Variants in DLGAP2 observed in about 807,000 individuals in gnomAD.
The protein encoded by DLGAP2 is disks large-associated protein 2.
In DLGAP2, 26 loss-of-function variants were observed where a neutral mutation model predicts 100.3. That is an observed-to-expected ratio of 0.26 (90% CI 0.19 to 0.36). The LOEUF (loss-of-function observed/expected upper bound fraction) is 0.36, where lower values mean the gene tolerates loss of function less well. DLGAP2 is among the 10% of genes least tolerant of loss of function. The pLI, the probability that DLGAP2 is intolerant of heterozygous loss-of-function variation, is 1.00. For missense variants in DLGAP2, 1,858 were observed against 1,453.2 expected (o/e 1.28, Z -4.53); for synonymous variants, 886 against 630.1 (o/e 1.41, Z -6.08).
intron 3 of DLGAP2, among the ~76,000 whole-genome samples, chr8:1,415,691 G>C (rs1324695956): frequency 6.6e-6 from 1 of 152,198 alleles, no homozygotes; most frequent in African/African-American, 2.4e-5. Context: ...AGGTAGCACT[G>C]TCTCTTTATC....
At chr8:808,905 C>CTTT (rs539422380) in intron 1 of DLGAP2, among the ~76,000 whole-genome samples, 5 of 130,414 alleles carry the variant, frequency 3.8e-5, no homozygotes, top group Admixed American at 8.0e-5. Flanking sequence ...CTGTTGCTGC[C>CTTT]TTTTTTTTTT....
chr8:1,362,803 C>T (rs575728958), intron 3 of DLGAP2, among the ~76,000 whole-genome samples: 43 of 152,360 alleles, frequency 2.8e-4, no homozygotes, highest in East Asian at 5.8e-4. Flanking sequence ...GATTAGGAGG[C>T]GCGACCGCCT....
At chr8:870,669 C>T (rs974506330) in intron 1 of DLGAP2, among the ~76,000 whole-genome samples, 1 of 152,110 alleles carries the variant, frequency 6.6e-6, no homozygotes, top group African/African-American at 2.4e-5. Flanking sequence ...TATTATCCAG[C>T]TTTTGGATCT....
chr8:1,347,948 C>T (rs1248312684), intron 3 of DLGAP2, among the ~76,000 whole-genome samples: 2 of 138,364 alleles, frequency 1.4e-5, no homozygotes, highest in Non-Finnish European at 3.1e-5. Flanking sequence ...ATTGAGTTCC[C>T]ATACAGAGCT....
At chr8:1,417,165 A>AGG (rs1563133726) in intron 3 of DLGAP2, among the ~76,000 whole-genome samples, 4,339 of 82,470 alleles carry the variant, frequency 0.053, 215 homozygotes, top group East Asian at 0.079. Context: ...AGTGAAGGGG[A>AGG]AGCCCCCGTT....
rs1231222365 is a variant in DLGAP2, at chr8:1,105,745, G to T, written c.74-153106G>T. On this transcript the variant is annotated intron_variant, in intron 2 of 14. Coordinates refer to ENST00000637795, the MANE Select transcript of DLGAP2 (RefSeq NM_001346810.2). ...TTTTCTACTTAAGGGGGCCATTCTA[G>T]GAGGGTTTTCTACTGAAGGGGGTCA... is the stretch of plus-strand genomic sequence containing the variant. Among the ~76,000 whole-genome samples the T allele has an allele frequency of 6.6e-5, 10 of 150,790 alleles. No individual in the cohort carries two copies. The East Asian group carries it at 2.0e-3, about 30-fold the overall frequency.
At chr8:1,514,029 C>T (rs1332313473) in intron 4 of DLGAP2, among the ~76,000 whole-genome samples, 3 of 152,226 alleles carry the variant, frequency 2.0e-5, no homozygotes, top group East Asian at 1.9e-4. Flanking sequence ...TGATATGGGG[C>T]ACAGATTTGC....
chr8:1,122,761 T>C (rs1202830674), intron 2 of DLGAP2, among the ~76,000 whole-genome samples: 1 of 149,444 alleles, frequency 6.7e-6, no homozygotes, highest in Non-Finnish European at 1.5e-5. Context: ...TTCTTTTTTC[T>C]TTTTTTTTTC....
intron 1 of DLGAP2, among the ~76,000 whole-genome samples, chr8:792,760 T>G (rs1200828262): frequency 6.6e-6 from 1 of 152,232 alleles, no homozygotes; most frequent in African/African-American, 2.4e-5. Context: ...ATTTTGTAAG[T>G]TTTGAATGAA....
intron 2 of DLGAP2, among the ~76,000 whole-genome samples, chr8:1,165,921 T>C (rs1797005957): frequency 6.6e-6 from 1 of 152,228 alleles, no homozygotes; most frequent in South Asian, 2.1e-4. Flanking sequence ...ACAGATTTTG[T>C]TGGTTGCTGT....
chr8:1,158,951 A>AC (rs1796842198), intron 2 of DLGAP2, among the ~76,000 whole-genome samples: 1 of 152,044 alleles, frequency 6.6e-6, no homozygotes, highest in African/African-American at 2.4e-5. Flanking sequence ...GCATGGACTG[A>AC]CCCCTCTTAA....
chr8:1,458,157 C>T lies in DLGAP2; in HGVS notation c.107-43209C>T, dbSNP rs188600700. Among the ~76,000 whole-genome samples the T allele has an allele frequency of 1.2e-3, 186 of 151,668 alleles. No homozygotes were observed. The East Asian group carries it at 0.017, about 14-fold the overall frequency. On this transcript the variant is annotated intron_variant, in intron 3 of 14. Transcript: ENST00000637795. Reference sequence around the variant, plus strand: ...TCCTGACCTCGTGATCCACCCGCCTCGGCCTCCCAAAGTGCTGGGATTACA... The same window carrying T: ...TCCTGACCTCGTGATCCACCCGCCTTGGCCTCCCAAAGTGCTGGGATTACA...
intron 4 of DLGAP2, among the ~76,000 whole-genome samples, chr8:1,511,267 T>C (rs1014587335): frequency 5.5e-4 from 83 of 151,272 alleles, no homozygotes; most frequent in African/African-American, 1.8e-3. Flanking sequence ...CTGTCTAGTG[T>C]AGGACAATCA....
chr8:1,100,804 G>A (rs1028651152), intron 2 of DLGAP2, among the ~76,000 whole-genome samples: 16 of 152,216 alleles, frequency 1.1e-4, no homozygotes, highest in African/African-American at 2.7e-4. Context: ...CGTGTGTTCT[G>A]TAGAAATAGA....
chr8:888,763 G>T (rs528061060), intron 1 of DLGAP2, among the ~76,000 whole-genome samples: 264 of 152,106 alleles, frequency 1.7e-3, no homozygotes, highest in Non-Finnish European at 2.9e-3. Context: ...CCTTCTTCTG[G>T]GACCTCTGAC....
At chr8:1,441,783 CA>C (rs1270439880) in intron 3 of DLGAP2, among the ~76,000 whole-genome samples, 1 of 145,676 alleles carries the variant, frequency 6.9e-6, no homozygotes, top group African/African-American at 2.6e-5. Flanking sequence ...ACAGCTTGAC[CA>C]GTTTTTTTTT....
At chr8:1,188,363 G>A (rs1164678972) in intron 2 of DLGAP2, among the ~76,000 whole-genome samples, 136 of 119,602 alleles carry the variant, frequency 1.1e-3, no homozygotes, top group Middle Eastern at 6.6e-3. Flanking sequence ...CCTCCGTGAC[G>A]TTTGCCTCAC....
chr8:1,143,089 C>T (rs1349582581), intron 2 of DLGAP2, among the ~76,000 whole-genome samples: 2 of 152,196 alleles, frequency 1.3e-5, no homozygotes, highest in African/African-American at 2.4e-5. Flanking sequence ...GGGCCACCAG[C>T]TGCTTGATGT....
chr8:1,193,386 C>G (rs1337928870), intron 2 of DLGAP2, among the ~76,000 whole-genome samples: 1 of 152,166 alleles, frequency 6.6e-6, no homozygotes, highest in South Asian at 2.1e-4. Context: ...GAGATGGTAT[C>G]TCATTGTGGT....
Sources: allele counts gnomAD v4.1 joint callset (sites outside exome capture counted in the v4.1 genomes callset), GRCh38; gene constraint gnomAD v4.1.1; transcripts MANE v1.5; gene names NCBI Gene and HGNC (gene_info 2026-07-23, HGNC 2026-07-21).